The following RBFOX1 variants were observed in gnomAD, a reference collection of about 807,000 sequenced individuals.
The protein encoded by RBFOX1 is RNA binding fox-1 homolog 1, also known as RNA binding protein fox-1 homolog 1.
In RBFOX1, 8 loss-of-function variants were observed where a neutral mutation model predicts 57.7. The observed-to-expected ratio is 0.14, with a 90% CI of 0.08 to 0.25. RBFOX1 has a LOEUF of 0.25. Ranked by LOEUF, RBFOX1 falls within the 10% of genes least tolerant of loss-of-function variation. The probability of loss-of-function intolerance (pLI) is 1.00; values close to 1 mark genes in which losing one functional copy is unlikely to be tolerated. For missense variants in RBFOX1, 611 were observed against 548.5 expected (o/e 1.11, Z -1.14); for synonymous variants, 326 against 222.4 (o/e 1.47, Z -4.15).
At chr16:5,622,269 C>T (rs770629127) in intron 3 of RBFOX1, among the ~76,000 whole-genome samples, 6 of 152,144 alleles carry the variant, frequency 3.9e-5, no homozygotes, top group Admixed American at 1.3e-4. Flanking sequence ...GCTGCTTTGG[C>T]TTGTTATATC....
intron 3 of RBFOX1, among the ~76,000 whole-genome samples, chr16:5,827,297 G>A (rs2056094051): frequency 6.6e-6 from 1 of 151,748 alleles, no homozygotes; most frequent in Admixed American, 6.6e-5. Context: ...CTACTAGGGA[G>A]GCTGAGGCAG....
At chr16:6,782,230 C>G (rs1487816083) in intron 3 of RBFOX1, among the ~76,000 whole-genome samples, 4 of 152,172 alleles carry the variant, frequency 2.6e-5, no homozygotes, top group African/African-American at 9.7e-5. Flanking sequence ...TGATCTCTGT[C>G]TCTTGACCTC....
intron 1 of RBFOX1, among the ~76,000 whole-genome samples, chr16:5,463,563 G>A (rs1472834637): frequency 6.6e-6 from 1 of 152,124 alleles, no homozygotes; most frequent in African/African-American, 2.4e-5. Context: ...ATTTTGGGAG[G>A]CCGAGGCAGG....
At chr16:6,788,494 GAC>G (rs2082343340) in intron 3 of RBFOX1, among the ~76,000 whole-genome samples, 1 of 150,414 alleles carries the variant, frequency 6.6e-6, no homozygotes, top group Non-Finnish European at 1.5e-5. Context: ...ATTTTTTTGA[GAC>G]AGAGTCTCTT....
At chr16:6,707,345 A>T (rs1037181812) in intron 3 of RBFOX1, among the ~76,000 whole-genome samples, 1 of 152,186 alleles carries the variant, frequency 6.6e-6, no homozygotes, top group South Asian at 2.1e-4. Context: ...ATGAACATTC[A>T]TATTTCAAAG....
chr16:6,245,231 G>A (rs1299099101), intron 1 of RBFOX1, among the ~76,000 whole-genome samples: 1 of 152,128 alleles, frequency 6.6e-6, no homozygotes, highest in Non-Finnish European at 1.5e-5. Flanking sequence ...ATGAATATAA[G>A]CAGAAATGAT....
intron 3 of RBFOX1, among the ~76,000 whole-genome samples, chr16:7,029,485 C>G (rs756033957): frequency 6.6e-6 from 1 of 151,626 alleles, no homozygotes; most frequent in African/African-American, 2.4e-5. Flanking sequence ...GTTTAGGTGA[C>G]AAAGTCAGTG....
rs187810329 is a variant in RBFOX1, at chr16:7,243,867, A to C, written c.27+191769A>C. ...ATCCTACCCCTTATTCTTTGTTCTT[A>C]ATGATTATGTTATAATCTGGGATTT... On this transcript the variant is annotated intron_variant, in intron 4 of 15. Transcript: ENST00000550418. Among the ~76,000 whole-genome samples, 5 of 152,212 alleles carry C rather than the reference A, an allele frequency of 3.3e-5. No individual in the cohort carries two copies. The East Asian group carries it at 9.7e-4, about 29-fold the overall frequency.
At chr16:7,587,924 C>T (rs1445715945) in intron 7 of RBFOX1, among the ~76,000 whole-genome samples, 2 of 152,136 alleles carry the variant, frequency 1.3e-5, no homozygotes, top group Non-Finnish European at 1.5e-5. Context: ...CAGTGGCTCA[C>T]GCCTGTAATC....
chr16:5,536,101 C>CGA (rs1555459296), intron 2 of RBFOX1, among the ~76,000 whole-genome samples: 2 of 117,068 alleles, frequency 1.7e-5, no homozygotes, highest in Non-Finnish European at 3.6e-5. Flanking sequence ...TCAAGCCCCC[C>CGA]CCCCCTTTTT....
At chr16:6,861,240 T>A (rs887226288) in intron 3 of RBFOX1, among the ~76,000 whole-genome samples, 2 of 151,968 alleles carry the variant, frequency 1.3e-5, no homozygotes, top group Admixed American at 6.6e-5. Flanking sequence ...GCATGCTGAG[T>A]TTTTTGAGCA....
At chr16:5,820,544 C>T (rs574318718) in intron 3 of RBFOX1, among the ~76,000 whole-genome samples, 2 of 152,256 alleles carry the variant, frequency 1.3e-5, no homozygotes, top group East Asian at 1.9e-4. Flanking sequence ...TCATCATCAG[C>T]CTAACTAATT....
In RBFOX1 at chr16:5,323,514, G is replaced by A. The variant is rs56830333; in HGVS notation, c.219+83409G>A. Among the ~76,000 whole-genome samples the A allele has an allele frequency of 2.6e-5, 4 of 152,320 alleles. No individual in the cohort carries two copies. The East Asian group carries it at 7.7e-4, about 29-fold the overall frequency. On this transcript the variant is annotated intron_variant, in intron 1 of 2. Coordinates refer to the RBFOX1 transcript ENST00000585867. ...CCTGCATCAGCGGCCTTGCCTCATT[G>A]TCTCTGCCCCACTGGGCTCTGCAGA... is the stretch of plus-strand genomic sequence containing the variant.
At chr16:5,297,907 A>G (rs1397634867) in intron 1 of RBFOX1, among the ~76,000 whole-genome samples, 3 of 152,238 alleles carry the variant, frequency 2.0e-5, no homozygotes, top group Admixed American at 6.5e-5. Context: ...TCTGTTAGGT[A>G]TTAATGTCTT....
chr16:6,243,216 G>C (rs1022621917), intron 1 of RBFOX1, among the ~76,000 whole-genome samples: 13 of 151,828 alleles, frequency 8.6e-5, no homozygotes, highest in Non-Finnish European at 4.4e-5. Context: ...GAAAACATTA[G>C]GTGAGTTAGA....
chr16:6,328,954 G>A (rs2082690017), intron 2 of RBFOX1, among the ~76,000 whole-genome samples: 2 of 152,118 alleles, frequency 1.3e-5, no homozygotes, highest in South Asian at 2.1e-4. Context: ...GGAATCAGAT[G>A]TCTATGTGAA....
intron 4 of RBFOX1, among the ~76,000 whole-genome samples, chr16:7,067,373 A>C (rs975318703): frequency 1.3e-5 from 2 of 152,142 alleles, no homozygotes; most frequent in East Asian, 3.9e-4. Context: ...CAGAATTTCA[A>C]CAAGAATCTC....
intron 2 of RBFOX1, among the ~76,000 whole-genome samples, chr16:5,523,031 T>C (rs1322472115): frequency 6.6e-6 from 1 of 152,170 alleles, no homozygotes; most frequent in Non-Finnish European, 1.5e-5. Context: ...CTCACACCTG[T>C]AATACCAGTA....
In RBFOX1 at chr16:7,416,246, C is replaced by T. The variant is rs971132426; in HGVS notation, c.28-101901C>T. 4.6e-5 allele frequency among the ~76,000 whole-genome samples: 7 copies of T among 152,154 alleles called. No homozygotes were observed. The South Asian group carries it at 6.2e-4, about 14-fold the overall frequency. ...GCCAAGGAAACAGATATTATTTCTC[C>T]CCTCGCTCTCCCTTTCTGTGTCTCT... On this transcript the variant is annotated intron_variant, in intron 4 of 15. Transcript: ENST00000550418.
Sources: gnomAD v4.1 joint callset for allele counts (sites outside exome capture counted in the v4.1 genomes callset) on GRCh38, gnomAD v4.1.1 for gene constraint, MANE v1.5 for transcripts, NCBI Gene and HGNC (gene_info 2026-07-23, HGNC 2026-07-21) for gene names.